The following LRMDA variants were observed in gnomAD, a reference collection of about 807,000 sequenced individuals.
LRMDA encodes leucine-rich melanocyte differentiation-associated protein.
Under a neutral mutation model 29.8 loss-of-function variants are expected in LRMDA, and 18 were observed. The ratio of observed to expected loss-of-function variants is 0.60; its 90% CI spans 0.42 to 0.90. LRMDA has a LOEUF of 0.90. Ranked by LOEUF, LRMDA falls within the 40% of genes least tolerant of loss-of-function variation. LRMDA has a pLI of 0.00. For synonymous variants in LRMDA, 125 were observed against 109.4 expected (o/e 1.14, Z -0.89); for missense variants, 273 against 273.9 (o/e 1.00, Z 0.02).
intron 5 of LRMDA, among the ~76,000 whole-genome samples, chr10:76,093,221 A>G (rs1351358587): frequency 6.6e-6 from 1 of 151,882 alleles, no homozygotes; most frequent in African/African-American, 2.4e-5. Context: ...TATTTTTAGT[A>G]GAGACGGGGT....
intron 5 of LRMDA, among the ~76,000 whole-genome samples, chr10:76,317,696 A>T (rs1380356182): frequency 2.0e-5 from 3 of 152,026 alleles, no homozygotes; most frequent in African/African-American, 7.2e-5. Context: ...GTCTTAGCCT[A>T]CCAAGTAACT....
chr10:76,320,125 G>T (rs1009234461), intron 5 of LRMDA, among the ~76,000 whole-genome samples: 2 of 152,174 alleles, frequency 1.3e-5, no homozygotes, highest in Admixed American at 1.3e-4. Flanking sequence ...CGCTTTGCAC[G>T]TCTGTTGTAG....
At chr10:76,049,354 A>G (rs1386485630) in intron 4 of LRMDA, among the ~76,000 whole-genome samples, 1 of 152,246 alleles carries the variant, frequency 6.6e-6, no homozygotes, top group African/African-American at 2.4e-5. Context: ...GAAAATTTAC[A>G]TCATCCACAA....
At position 76,338,946 on chromosome 10, in the gene LRMDA, C is replaced by G. The variant is rs2132416834; in HGVS notation, c.601+14461C>G. ...TAAAACAATCATGAATCTTAATGTA[C>G]CCAATGACATGGCTTTGAAATTCAT... On this transcript the variant is annotated intron_variant, in intron 6 of 6. Coordinates refer to ENST00000611255, the MANE Select transcript of LRMDA (RefSeq NM_001305581.2). Among the ~76,000 whole-genome samples the G allele has an allele frequency of 2.0e-5, 3 of 152,098 alleles. 1 individual carries two copies. The highest frequency in any genetic ancestry group is 3.4e-3 in the Middle Eastern group (1 of 294).
rs190219070 is a variant in LRMDA at position 76,128,054 on chromosome 10, G to A, written c.516+69271G>A. 9.8e-5 allele frequency among the ~76,000 whole-genome samples: 15 copies of A among 152,292 alleles called. No individual in the cohort carries two copies. The East Asian group carries it at 2.7e-3, about 27-fold the overall frequency. ...ACTAATACTTGCCCATAAAATCAAA[G>A]TCTGGTAGTTTTGTTTAGAGGTGAA... is the stretch of plus-strand genomic sequence containing the variant. On this transcript the variant is annotated intron_variant, in intron 5 of 6. Transcript: ENST00000611255.
chr10:76,100,839 A>C (rs1849383980), intron 5 of LRMDA, among the ~76,000 whole-genome samples: 1 of 152,138 alleles, frequency 6.6e-6, no homozygotes, highest in African/African-American at 2.4e-5. Context: ...CCTGTACCCT[A>C]GTCCTGCCCC....
At chr10:76,470,945 C>T (rs2132316699) in intron 6 of LRMDA, among the ~76,000 whole-genome samples, 1 of 151,672 alleles carries the variant, frequency 6.6e-6, no homozygotes, top group African/African-American at 2.4e-5. Flanking sequence ...ACGTTAACCA[C>T]AATAAAAATA....
At chr10:75,822,592 A>G (rs1417734784) in intron 2 of LRMDA, among the ~76,000 whole-genome samples, 1 of 152,210 alleles carries the variant, frequency 6.6e-6, no homozygotes, top group Non-Finnish European at 1.5e-5. Context: ...CCAAAACAGC[A>G]TGGTACTGGT....
At chr10:75,621,563 C>T (rs1270927690) in intron 2 of LRMDA, among the ~76,000 whole-genome samples, 1 of 152,144 alleles carries the variant, frequency 6.6e-6, no homozygotes, top group Non-Finnish European at 1.5e-5. Context: ...AGTGTTGCTT[C>T]GTGTGTCCCT....
At chr10:76,464,421 C>T (rs932728617) in intron 6 of LRMDA, among the ~76,000 whole-genome samples, 5 of 152,056 alleles carry the variant, frequency 3.3e-5, no homozygotes, top group African/African-American at 9.7e-5. Flanking sequence ...CTACAACAGA[C>T]GGGGCTGGGA....
chr10:75,471,285 T>C (rs541732672), intron 2 of LRMDA, among the ~76,000 whole-genome samples: 2 of 151,862 alleles, frequency 1.3e-5, no homozygotes, highest in Admixed American at 1.3e-4. Flanking sequence ...GAAGTTCATC[T>C]GTGTTTAAAA....
chr10:76,117,021 TG>T (rs1849678928), intron 5 of LRMDA, among the ~76,000 whole-genome samples: 4 of 152,188 alleles, frequency 2.6e-5, no homozygotes. Context: ...GGTTAGAACC[TG>T]GGCTGGGCAG....
intron 2 of LRMDA, among the ~76,000 whole-genome samples, chr10:75,632,699 G>A (rs1841339038): frequency 6.6e-6 from 1 of 151,838 alleles, no homozygotes; most frequent in African/African-American, 2.4e-5. Context: ...TCAAGTGTAG[G>A]GAGAGCCTGT....
intron 6 of LRMDA, chr10:76,470,437 A>G (rs1365674942): frequency 6.6e-6 from 1 of 152,140 alleles, no homozygotes; most frequent in Non-Finnish European, 1.5e-5. Context: ...TCAAACAGAT[A>G]CTTGTACACC....
chr10:76,544,716 AC>A (rs1367228920), intron 6 of LRMDA, among the ~76,000 whole-genome samples: 11 of 31,846 alleles, frequency 3.5e-4, no homozygotes, highest in African/African-American at 1.3e-3. Flanking sequence ...ACATGCACAC[AC>A]ACACACACAC....
intron 2 of LRMDA, among the ~76,000 whole-genome samples, chr10:75,556,364 TA>T (rs1350338561): frequency 6.6e-6 from 1 of 152,140 alleles, no homozygotes; most frequent in Non-Finnish European, 1.5e-5. Context: ...GGCATACAGA[TA>T]GGAAAAACCA....
chr10:75,962,637 G>A (rs902717248), intron 2 of LRMDA, among the ~76,000 whole-genome samples: 1 of 152,178 alleles, frequency 6.6e-6, no homozygotes, highest in Non-Finnish European at 1.5e-5. Context: ...TTTTTTAAAC[G>A]TAAATGATAA....
intron 2 of LRMDA, chr10:75,783,154 T>C: frequency 8.6e-7 from 1 of 1,169,344 alleles, no homozygotes; most frequent in Non-Finnish European, 1.2e-6. Context: ...TAAATCATTT[T>C]CTTTTAACAT....
chr10:76,484,740 A>C (rs1842765024), intron 6 of LRMDA, among the ~76,000 whole-genome samples: 3 of 151,920 alleles, frequency 2.0e-5, no homozygotes, highest in Admixed American at 6.6e-5. Flanking sequence ...TATTATATCT[A>C]ACTTAATTGG....
Sources: gnomAD v4.1 joint callset for allele counts (sites outside exome capture counted in the v4.1 genomes callset) on GRCh38, gnomAD v4.1.1 for gene constraint, MANE v1.5 for transcripts, NCBI Gene and HGNC (gene_info 2026-07-23, HGNC 2026-07-21) for gene names.